The following PDE4D variants were observed in gnomAD, a reference collection of about 807,000 sequenced individuals.
PDE4D encodes the protein phosphodiesterase 4D, also known as 3',5'-cyclic-AMP phosphodiesterase 4D.
PDE4D carries 24 observed loss-of-function variants against 87.4 expected under a neutral mutation model. The ratio of observed to expected loss-of-function variants is 0.27; its 90% CI spans 0.20 to 0.39. The LOEUF is 0.39. Ranked by LOEUF, PDE4D falls within the 10% of genes least tolerant of loss-of-function variation. PDE4D has a pLI of 1.00. For missense variants in PDE4D, 714 were observed against 1,041.0 expected, an observed-to-expected ratio of 0.69 and a Z score of 4.32; for synonymous variants, 384 against 383.2, an observed-to-expected ratio of 1.00 and a Z score of -0.02.
intron 1 of PDE4D, among the ~76,000 whole-genome samples, chr5:59,581,989 G>A (rs957780535): frequency 6.6e-6 from 1 of 152,134 alleles, no homozygotes; most frequent in Admixed American, 6.6e-5. Flanking sequence ...GTATAATTAT[G>A]AGCTCCATCT....
chr5:59,028,180 G>A (rs574277873), intron 6 of PDE4D, among the ~76,000 whole-genome samples: 1 of 152,162 alleles, frequency 6.6e-6, no homozygotes, highest in Admixed American at 6.5e-5. Flanking sequence ...CTTGCTTGAT[G>A]AGCTATACTG....
chr5:59,309,976 C>G (rs955620310), intron 1 of PDE4D, among the ~76,000 whole-genome samples: 3 of 152,192 alleles, frequency 2.0e-5, no homozygotes, highest in Admixed American at 1.3e-4. Flanking sequence ...TCTTCTTTCT[C>G]TTGCTGTCTC....
intron 1 of PDE4D, among the ~76,000 whole-genome samples, chr5:60,276,731 A>C (rs1280293139): frequency 6.6e-6 from 1 of 151,968 alleles, no homozygotes; most frequent in African/African-American, 2.4e-5. Context: ...AATCATTCTT[A>C]GCTTGATTAA....
intron 1 of PDE4D, among the ~76,000 whole-genome samples, chr5:60,473,374 C>A (rs1261906776): frequency 6.6e-6 from 1 of 150,726 alleles, no homozygotes; most frequent in Non-Finnish European, 1.5e-5. Context: ...GATCAGACTT[C>A]AGATATTAGA....
intron 1 of PDE4D, among the ~76,000 whole-genome samples, chr5:59,520,439 G>T (rs1811989155): frequency 6.6e-6 from 1 of 152,154 alleles, no homozygotes. Context: ...CAGATGAGTG[G>T]AATAATGAAA....
In PDE4D at chr5:59,651,288, T is replaced by G. The variant is rs201053553; in HGVS notation, c.455+241880A>C. Among the ~76,000 whole-genome samples, 73 of 145,980 alleles carry G rather than the reference T, an allele frequency of 5.0e-4. 1 individual carries two copies. In the East Asian group the frequency reaches 0.013, roughly 26 times the overall value. ...ATAATAATAATAATAATAATAATAA[T>G]AATAATAATAATAATAATTGCTAAA... On this transcript the variant is annotated intron_variant, in intron 1 of 14. Coordinates refer to ENST00000340635, the MANE Select transcript of PDE4D (RefSeq NM_001104631.2).
At chr5:59,464,623 G>T (rs761478322) in intron 1 of PDE4D, among the ~76,000 whole-genome samples, 1 of 152,016 alleles carries the variant, frequency 6.6e-6, no homozygotes, top group South Asian at 2.1e-4. Flanking sequence ...TCCTCCATAC[G>T]CTGAACGCTG....
At chr5:59,733,425 A>G (rs1424382732) in intron 1 of PDE4D, among the ~76,000 whole-genome samples, 1 of 152,136 alleles carries the variant, frequency 6.6e-6, no homozygotes, top group African/African-American at 2.4e-5. Context: ...CAAATGGATG[A>G]GATGTAGTAT....
Position 60,197,018 on chromosome 5 carries a change from CAGATAGATAGAT to C in PDE4D, c.-89-11343_-89-11332del, listed in dbSNP as rs201360208. The stretch of plus-strand genomic sequence containing the variant: ...GCCTCTCTGGCAAAAACAAGATAGG[CAGATAGATAGAT>C]AGATAGATAGATAGATAGATAGATA... On this transcript the variant is annotated intron_variant, in intron 1 of 16. Coordinates refer to the PDE4D transcript ENST00000502484. Among the ~76,000 whole-genome samples the C allele has an allele frequency of 7.1e-3, 878 of 123,536 alleles. 10 individuals are homozygous for C. The highest frequency in any genetic ancestry group is 0.024 in the African/African-American group (813 of 33,650). 81.0% of individuals were successfully genotyped at this position (123,536 alleles called of 152,430 possible).
intron 1 of PDE4D, among the ~76,000 whole-genome samples, chr5:60,225,189 A>G (rs1744943924): frequency 1.3e-5 from 2 of 151,902 alleles, no homozygotes; most frequent in Admixed American, 1.3e-4. Context: ...CTTCATTTTC[A>G]TCTTCCCTAG....
At chr5:59,326,232 C>T (rs1411504980) in intron 1 of PDE4D, among the ~76,000 whole-genome samples, 5 of 151,492 alleles carry the variant, frequency 3.3e-5, no homozygotes, top group Admixed American at 2.6e-4. Context: ...CAAACCTGCA[C>T]GTTGTGCACA....
chr5:59,936,064 G>C (rs1392685415), intron 3 of PDE4D, among the ~76,000 whole-genome samples: 1 of 152,172 alleles, frequency 6.6e-6, no homozygotes, highest in Non-Finnish European at 1.5e-5. Context: ...CTAGTTTACA[G>C]TCCCACCAAC....
chr5:59,065,902 T>G (rs149271974), intron 5 of PDE4D, among the ~76,000 whole-genome samples: 1 of 152,270 alleles, frequency 6.6e-6, no homozygotes, highest in South Asian at 2.1e-4. Context: ...CCTTCTTTAA[T>G]TGGATCTAAG....
intron 1 of PDE4D, among the ~76,000 whole-genome samples, chr5:59,611,606 C>G (rs920964137): frequency 2.6e-5 from 4 of 152,160 alleles, no homozygotes; most frequent in African/African-American, 9.6e-5. Context: ...GTTACACAAT[C>G]TCCCTAGCAC....
chr5:59,550,267 T>C (rs1315552802), intron 1 of PDE4D, among the ~76,000 whole-genome samples: 1 of 152,188 alleles, frequency 6.6e-6, no homozygotes, highest in African/African-American at 2.4e-5. Flanking sequence ...TATATTGTGC[T>C]AATTCCCGCT....
At chr5:59,298,942 A>T (rs1769646956) in intron 1 of PDE4D, among the ~76,000 whole-genome samples, 1 of 152,204 alleles carries the variant, frequency 6.6e-6, no homozygotes, top group South Asian at 2.1e-4. Context: ...ACCAATACAA[A>T]AACAATAATA....
At chr5:59,619,972 A>G (rs298053) in intron 1 of PDE4D, among the ~76,000 whole-genome samples, 131,546 of 152,138 alleles carry the variant, frequency 0.86, 56,925 homozygotes, top group South Asian at 0.93. Context: ...ATGTTTAAAT[A>G]CCCATGTTAA....
At chr5:60,334,628 T>C (rs927660781) in intron 1 of PDE4D, among the ~76,000 whole-genome samples, 1 of 151,970 alleles carries the variant, frequency 6.6e-6, no homozygotes, top group African/African-American at 2.4e-5. Flanking sequence ...GTGGGTAGTA[T>C]TTCCTATTTA....
chr5:59,447,426 G>A (rs1298779029), intron 1 of PDE4D, among the ~76,000 whole-genome samples: 1 of 152,162 alleles, frequency 6.6e-6, no homozygotes, highest in Non-Finnish European at 1.5e-5. Flanking sequence ...TGTCCATTGT[G>A]CACCAATCAC....
Sources: gnomAD v4.1 joint callset for allele counts (sites outside exome capture counted in the v4.1 genomes callset) on GRCh38, gnomAD v4.1.1 for gene constraint, MANE v1.5 for transcripts, NCBI Gene and HGNC (gene_info 2026-07-23, HGNC 2026-07-21) for gene names.